FAM210A: variants seen among roughly 807,000 people sequenced by gnomAD.
The protein encoded by FAM210A is family with sequence similarity 210 member A.
Under a neutral mutation model 25.3 loss-of-function variants are expected in FAM210A, and 13 were observed. The observed-to-expected ratio is 0.51, with a 90% confidence interval of 0.33 to 0.82. The LOEUF (loss-of-function observed/expected upper bound fraction) is 0.82. Among genes scored for constraint, FAM210A ranks in the 40% least tolerant of loss-of-function variants. FAM210A has a pLI of 0.02. For missense variants in FAM210A, 319 were observed against 323.2 expected (o/e 0.99, Z 0.10); for synonymous variants, 125 against 118.7 (o/e 1.05, Z -0.35).
intron 1 of FAM210A, among the ~76,000 whole-genome samples, chr18:13,706,311 T>A (rs2043777475): frequency 6.7e-6 from 1 of 149,164 alleles, no homozygotes; most frequent in Non-Finnish European, 1.5e-5. Flanking sequence ...CTTTAAATAC[T>A]TTTCCCTTGT....
At chr18:13,705,841 C>A (rs2043774276) in intron 1 of FAM210A, among the ~76,000 whole-genome samples, 1 of 152,180 alleles carries the variant, frequency 6.6e-6, no homozygotes, top group Admixed American at 6.5e-5. Flanking sequence ...ATGAAAGCTT[C>A]AGGTATATTT....
At chr18:13,675,303 G>C (rs1208506926) in intron 2 of FAM210A, among the ~76,000 whole-genome samples, 1 of 97,032 alleles carries the variant, frequency 1.0e-5, no homozygotes, top group African/African-American at 4.1e-5. Context: ...CCTGAGACCC[G>C]ACTTCATTTC....
intron 1 of FAM210A, among the ~76,000 whole-genome samples, chr18:13,711,235 G>A (rs1290355): frequency 0.89 from 135,556 of 152,190 alleles, 60,480 homozygotes; most frequent in East Asian, 0.95. Flanking sequence ...GCCGGGCATC[G>A]TGGTGGGTGC....
chr18:13,691,651 T>G (rs1347678722), intron 1 of FAM210A, among the ~76,000 whole-genome samples: 3 of 151,304 alleles, frequency 2.0e-5, no homozygotes, highest in Admixed American at 6.6e-5. Flanking sequence ...CCAGCCAAAC[T>G]AAGCTTCATA....
In FAM210A at chr18:13,663,752, C is replaced by T. The variant is rs747842926; in HGVS notation, c.*2728G>A. 2.0e-5 allele frequency: 3 copies of T among 151,984 alleles called. No homozygotes were observed. Among genetic ancestry groups the T allele is most frequent in the African/African-American group, 7.3e-5 (3 of 41,318 alleles). The allele number at this position is 151,984 out of a possible 1,614,324, so 9.4% of individuals were successfully genotyped here. Reference sequence around the variant, plus strand: ...GATCACTTGAGCCAGGAGTTCAAGACGCAAGTGAGCTATGATCATGCCACT... The same window carrying T: ...GATCACTTGAGCCAGGAGTTCAAGATGCAAGTGAGCTATGATCATGCCACT... On this transcript the variant is annotated 3_prime_UTR_variant, in exon 4 of 4. Transcript: ENST00000651643.
At chr18:13,718,640 A>G (rs1439663298) in intron 1 of FAM210A, among the ~76,000 whole-genome samples, 2 of 152,198 alleles carry the variant, frequency 1.3e-5, no homozygotes, top group African/African-American at 4.8e-5. Context: ...GAGCCAAACT[A>G]TATAAATTTC....
intron 2 of FAM210A, among the ~76,000 whole-genome samples, chr18:13,675,434 T>C (rs28556318): frequency 2.9e-4 from 6 of 20,744 alleles, no homozygotes; most frequent in Non-Finnish European, 4.8e-4. Context: ...TCCTGAGCCC[T>C]GGCTTCTTTA....
chr18:13,678,644 T>C (rs1023234819), intron 2 of FAM210A, among the ~76,000 whole-genome samples: 1 of 152,198 alleles, frequency 6.6e-6, no homozygotes, highest in Admixed American at 6.5e-5. Flanking sequence ...TCATTTCCTC[T>C]GGAATTACTG....
chr18:13,706,633 G>T (rs778897879), intron 1 of FAM210A, among the ~76,000 whole-genome samples: 18 of 152,180 alleles, frequency 1.2e-4, no homozygotes, highest in Non-Finnish European at 2.4e-4. Context: ...TCACGGTTTG[G>T]AATAAAAGAG....
Position 13,691,547 on chromosome 18 carries a change from C to G in FAM210A, c.-28-9442G>C, listed in dbSNP as rs533560040. 6.6e-4 allele frequency among the ~76,000 whole-genome samples: 100 copies of G among 152,270 alleles called. 1 individual carries two copies. The highest frequency in any genetic ancestry group is 2.3e-3 in the African/African-American group (95 of 41,560). ...CACAAAGGGAAGCCCATCAGACTAACAGCTGATCTCTCAGCAGAAACTCTA... is the reference window on the plus strand; with the variant it reads ...CACAAAGGGAAGCCCATCAGACTAAGAGCTGATCTCTCAGCAGAAACTCTA... On this transcript the variant is annotated intron_variant, in intron 1 of 3. Coordinates refer to ENST00000651643, the MANE Select transcript of FAM210A (RefSeq NM_152352.4).
At chr18:13,673,345 CCA>C (rs1325516353) in intron 2 of FAM210A, among the ~76,000 whole-genome samples, 1 of 147,496 alleles carries the variant, frequency 6.8e-6, no homozygotes, top group African/African-American at 2.6e-5. Context: ...GACTTCATTT[CCA>C]GTTTCCTGAT....
chr18:13,715,061 T>C (rs1254395788), intron 1 of FAM210A: 1 of 152,106 alleles, frequency 6.6e-6, no homozygotes, highest in Admixed American at 6.6e-5. Context: ...TACATATATA[T>C]ATAATCTTAT....
At chr18:13,709,399 A>G (rs949371835) in intron 1 of FAM210A, among the ~76,000 whole-genome samples, 4 of 152,138 alleles carry the variant, frequency 2.6e-5, no homozygotes, top group Admixed American at 1.3e-4. Context: ...CTGCTTTAAG[A>G]CTTTTTGCAG....
chr18:13,720,126 T>G (rs1320777250), intron 1 of FAM210A, among the ~76,000 whole-genome samples: 1 of 152,190 alleles, frequency 6.6e-6, no homozygotes, highest in African/African-American at 2.4e-5. Flanking sequence ...GCCCAAAAGC[T>G]GTTTCTTAAA....
intron 2 of FAM210A, among the ~76,000 whole-genome samples, chr18:13,677,482 G>GAACAGAACAGAACACAACAC: frequency 6.6e-6 from 1 of 152,310 alleles, no homozygotes; most frequent in African/African-American, 2.4e-5. Context: ...CCAGTAATCA[G>GAACAGAACAGAACACAACAC]AACAGAACAG....
chr18:13,697,401 A>T (rs1250864406), intron 1 of FAM210A: 1 of 155,184 alleles, frequency 6.4e-6, no homozygotes, highest in African/African-American at 2.4e-5. Context: ...TACAATGCCT[A>T]AAATCCAAAA....
At chr18:13,693,998 A>C (rs1233689179) in intron 1 of FAM210A, among the ~76,000 whole-genome samples, 1 of 152,238 alleles carries the variant, frequency 6.6e-6, no homozygotes, top group Non-Finnish European at 1.5e-5. Context: ...GTCTCAGCCC[A>C]AAATCTCCTT....
intron 2 of FAM210A, among the ~76,000 whole-genome samples, chr18:13,676,758 G>A (rs546582457): frequency 2.0e-5 from 3 of 152,190 alleles, no homozygotes; most frequent in Non-Finnish European, 4.4e-5. Flanking sequence ...TGGTGGAGGA[G>A]GGCAGCATGC....
intron 3 of FAM210A, among the ~76,000 whole-genome samples, chr18:13,669,689 A>G (rs188232156): frequency 3.3e-5 from 5 of 152,122 alleles, no homozygotes; most frequent in African/African-American, 9.6e-5. Context: ...ACCACTCACT[A>G]CACTATCAGC....
Sources: allele counts gnomAD v4.1 joint callset (sites outside exome capture counted in the v4.1 genomes callset), GRCh38; gene constraint gnomAD v4.1.1; transcripts MANE v1.5; gene names NCBI Gene and HGNC (gene_info 2026-07-23, HGNC 2026-07-21).